The following CALCR variants were observed in gnomAD, a reference collection of about 807,000 sequenced individuals.
CALCR encodes the protein calcitonin receptor.
CALCR carries 47 observed loss-of-function variants against 59.5 expected under a neutral mutation model. That is an observed-to-expected ratio of 0.79 (90% CI 0.63 to 1.01). CALCR has a LOEUF of 1.01. Among genes scored for constraint, CALCR ranks in the 50% least tolerant of loss-of-function variants. The pLI, the probability that CALCR is intolerant of heterozygous loss-of-function variation, is 0.00. For missense variants in CALCR, 566 were observed against 597.1 expected (o/e 0.95, Z 0.54); for synonymous variants, 213 against 211.3 (o/e 1.01, Z -0.07).
intron 2 of CALCR, among the ~76,000 whole-genome samples, chr7:93,540,023 T>C (rs1789090222): frequency 6.6e-6 from 1 of 152,192 alleles, no homozygotes; most frequent in Admixed American, 6.6e-5. Flanking sequence ...TCCCATTCCC[T>C]TGGGGGAATT....
At chr7:93,471,594 A>T (rs1025232000) in intron 6 of CALCR, among the ~76,000 whole-genome samples, 2 of 151,828 alleles carry the variant, frequency 1.3e-5, no homozygotes, top group African/African-American at 4.8e-5. Context: ...CCTATCTTTG[A>T]CAGAAATAAT....
In CALCR at chr7:93,520,007, T is replaced by C. The variant is rs191053931; in HGVS notation, c.-26-33000A>G. ...GCAGTATGAAAATAAACTGATACAGTCTATCTTCAAATATAAACATTTTTC... is the reference window on the plus strand; with the variant it reads ...GCAGTATGAAAATAAACTGATACAGCCTATCTTCAAATATAAACATTTTTC... On this transcript the variant is annotated intron_variant, in intron 2 of 13. Coordinates refer to ENST00000426151, the MANE Select transcript of CALCR (RefSeq NM_001742.4). Among the ~76,000 whole-genome samples, 218 of 152,192 alleles carry C rather than the reference T, an allele frequency of 1.4e-3. 1 individual carries two copies. Among genetic ancestry groups the C allele is most frequent in the African/African-American group, 4.6e-3 (192 of 41,544 alleles).
chr7:93,487,850 G>A (rs1335267436), intron 2 of CALCR, among the ~76,000 whole-genome samples: 1 of 151,364 alleles, frequency 6.6e-6, no homozygotes, highest in East Asian at 2.0e-4. Flanking sequence ...CTTTATCCAG[G>A]AGAACTTCCC....
intron 3 of CALCR, 76 bp from the exon 4 acceptor site, chr7:93,479,583 G>T: frequency 7.4e-7 from 1 of 1,360,436 alleles, no homozygotes; most frequent in Non-Finnish European, 1.0e-6. Context: ...CAATGAAAAA[G>T]TTTGAAAACA....
chr7:93,465,670 A>G lies in CALCR; in HGVS notation c.521+3045T>C, dbSNP rs1291692594. Among the ~76,000 whole-genome samples the G allele has an allele frequency of 4.6e-5, 7 of 152,046 alleles. No individual in the cohort carries two copies. The East Asian group carries it at 1.2e-3, about 25-fold the overall frequency. ...TTTCTCTAGGAAGAATGCATAGAAG[A>G]TAAATTTTCTGCTATTAAACTGAAG... On this transcript the variant is annotated intron_variant, in intron 7 of 13. Transcript: ENST00000426151.
At chr7:93,544,012 A>T (rs956053886) in intron 2 of CALCR, among the ~76,000 whole-genome samples, 3 of 152,004 alleles carry the variant, frequency 2.0e-5, no homozygotes, top group African/African-American at 7.3e-5. Flanking sequence ...CATACAAACA[A>T]AATAAAAAAG....
chr7:93,511,894 A>G (rs1011644830), intron 2 of CALCR, among the ~76,000 whole-genome samples: 1 of 152,200 alleles, frequency 6.6e-6, no homozygotes, highest in African/African-American at 2.4e-5. Flanking sequence ...CAGCAAAAGA[A>G]AGAATCTTCT....
chr7:93,489,596 C>T (rs1399757165), intron 2 of CALCR, among the ~76,000 whole-genome samples: 1 of 151,724 alleles, frequency 6.6e-6, no homozygotes, highest in Non-Finnish European at 1.5e-5. Flanking sequence ...CATCACTGAC[C>T]CCACAGAAAT....
intron 2 of CALCR, among the ~76,000 whole-genome samples, chr7:93,491,440 A>G (rs563921148): frequency 2.6e-5 from 4 of 152,232 alleles, no homozygotes; most frequent in Admixed American, 2.6e-4. Flanking sequence ...TCTGCGCAGC[A>G]AAAGAAACTA....
chr7:93,480,076 C>A (rs1056097460), intron 3 of CALCR, among the ~76,000 whole-genome samples: 1 of 151,892 alleles, frequency 6.6e-6, no homozygotes, highest in Non-Finnish European at 1.5e-5. Flanking sequence ...GTTTCAACAG[C>A]AGATGACCTG....
At chr7:93,430,098 A>AT (rs67589684) in intron 13 of CALCR, among the ~76,000 whole-genome samples, 8 of 150,242 alleles carry the variant, frequency 5.3e-5, no homozygotes, top group East Asian at 2.0e-4. Flanking sequence ...AGCCCGGCTA[A>AT]TTTTTTTTTT....
intron 3 of CALCR, among the ~76,000 whole-genome samples, chr7:93,485,263 G>A (rs1333846308): frequency 2.0e-5 from 3 of 151,564 alleles, no homozygotes. Flanking sequence ...AGTTATGCTT[G>A]CTGGTCAAGA....
intron 2 of CALCR, among the ~76,000 whole-genome samples, chr7:93,529,618 C>G (rs557806121): frequency 6.6e-6 from 1 of 152,062 alleles, no homozygotes; most frequent in African/African-American, 2.4e-5. Flanking sequence ...CGTCAGATAG[C>G]TTTTCATTTG....
intron 2 of CALCR, among the ~76,000 whole-genome samples, chr7:93,504,173 G>A (rs1801378892): frequency 6.6e-6 from 1 of 152,126 alleles, no homozygotes; most frequent in African/African-American, 2.4e-5. Context: ...AGCATTCAGT[G>A]ATATTATAGA....
intron 2 of CALCR, among the ~76,000 whole-genome samples, chr7:93,572,129 C>A (rs75660151): frequency 1.3e-5 from 2 of 152,016 alleles, no homozygotes; most frequent in Non-Finnish European, 2.9e-5. Context: ...GAAGCTGTTA[C>A]GGTCTAAATA....
intron 13 of CALCR, among the ~76,000 whole-genome samples, chr7:93,429,933 T>TTC: frequency 1.2e-5 from 1 of 84,898 alleles, no homozygotes; most frequent in East Asian, 1.2e-3. Flanking sequence ...TTTGTTTGTT[T>TTC]GTTTTTTTGT....
chr7:93,460,789 T>C (rs1294895719), intron 8 of CALCR, 32 bp downstream of exon 8: 8 of 1,539,752 alleles, frequency 5.2e-6, no homozygotes, highest in Middle Eastern at 1.9e-4. Context: ...TCCTTTAAAA[T>C]AAAAGTAAAA....
At chr7:93,509,790 T>C (rs192291110) in intron 2 of CALCR, among the ~76,000 whole-genome samples, 1 of 152,264 alleles carries the variant, frequency 6.6e-6, no homozygotes, top group East Asian at 1.9e-4. Flanking sequence ...GACAATACTA[T>C]ATTATGAAAA....
At chr7:93,429,929 TGTTTG>T (rs1562923998) in intron 13 of CALCR, among the ~76,000 whole-genome samples, 8 of 96,674 alleles carry the variant, frequency 8.3e-5, no homozygotes, top group African/African-American at 1.6e-4. Context: ...TTTTTTTGTT[TGTTTG>T]TTTTTTTGTT....
Sources: allele counts gnomAD v4.1 joint callset (sites outside exome capture counted in the v4.1 genomes callset), GRCh38; gene constraint gnomAD v4.1.1; transcripts MANE v1.5; gene names NCBI Gene and HGNC (gene_info 2026-07-23, HGNC 2026-07-21).